OSBPL10: variants seen among roughly 807,000 people sequenced by gnomAD.
OSBPL10 encodes the protein oxysterol-binding protein-related protein 10.
In OSBPL10, 49 loss-of-function variants were observed where a neutral mutation model predicts 81.7. That is an observed-to-expected ratio of 0.60 (90% CI 0.48 to 0.76). The LOEUF (loss-of-function observed/expected upper bound fraction) is 0.76. Among genes scored for constraint, OSBPL10 ranks in the 30% least tolerant of loss-of-function variants. OSBPL10 has a pLI of 0.00. For missense variants in OSBPL10, 923 were observed against 987.8 expected, an observed-to-expected ratio of 0.93 and a Z score of 0.88; for synonymous variants, 419 against 383.6, an observed-to-expected ratio of 1.09 and a Z score of -1.08.
chr3:31,832,986 G>A (rs976614262), intron 3 of OSBPL10, among the ~76,000 whole-genome samples: 13 of 152,192 alleles, frequency 8.5e-5, no homozygotes, highest in African/African-American at 2.9e-4. Context: ...TTGAAATACC[G>A]CAGATTGTAA....
At chr3:31,834,594 A>C (rs139490040) in intron 3 of OSBPL10, among the ~76,000 whole-genome samples, 1 of 152,242 alleles carries the variant, frequency 6.6e-6, no homozygotes, top group South Asian at 2.1e-4. Context: ...CCAAGGTTGC[A>C]AAGAGAAGAC....
At chr3:31,898,563 A>C (rs1412446941) in intron 1 of OSBPL10, among the ~76,000 whole-genome samples, 2 of 148,540 alleles carry the variant, frequency 1.3e-5, no homozygotes, top group Non-Finnish European at 3.0e-5. Context: ...TGGGCAACAT[A>C]GCAAGACCCT....
At chr3:32,026,055 G>GATAGATAGATAT (rs1559551443) in intron 2 of OSBPL10, among the ~76,000 whole-genome samples, 169 of 103,128 alleles carry the variant, frequency 1.6e-3, no homozygotes, top group African/African-American at 6.6e-3. Context: ...TAGATAGATA[G>GATAGATAGATAT]ATGATAGATA....
In OSBPL10 at chr3:31,790,116, T is replaced by C. The variant is rs1289254183; in HGVS notation, c.729+39924A>G. ...ACTGTAAGCAAAACAATTACCAAAA[T>C]AAAAATTAGACATGACCGATAAACA... On this transcript the variant is annotated intron_variant, in intron 4 of 11. Coordinates refer to ENST00000396556, the MANE Select transcript of OSBPL10 (RefSeq NM_017784.5). 3.3e-5 allele frequency among the ~76,000 whole-genome samples: 5 copies of C among 152,192 alleles called. 1 individual carries two copies. Among genetic ancestry groups the C allele is most frequent in the Admixed American group, 2.6e-4 (4 of 15,286 alleles).
At chr3:31,681,298 C>G (rs544341494) in intron 8 of OSBPL10, among the ~76,000 whole-genome samples, 2 of 152,206 alleles carry the variant, frequency 1.3e-5, no homozygotes, top group African/African-American at 4.8e-5. Flanking sequence ...TGTGGGCACT[C>G]TGGAGTTGCC....
intron 4 of OSBPL10, chr3:31,795,319 A>T: frequency 6.5e-6 from 1 of 153,854 alleles, no homozygotes; most frequent in South Asian, 2.0e-4. Context: ...TAATTTTTGC[A>T]TTTTTAGTAG....
chr3:31,854,756 A>G (rs1700865802), intron 3 of OSBPL10, among the ~76,000 whole-genome samples: 1 of 152,200 alleles, frequency 6.6e-6, no homozygotes, highest in African/African-American at 2.4e-5. Context: ...TAAAATAAAC[A>G]CATAAACACA....
chr3:31,872,173 A>C lies in OSBPL10; in HGVS notation c.537+4260T>G, dbSNP rs564313926. On this transcript the variant is annotated intron_variant, in intron 3 of 11. Coordinates refer to ENST00000396556, the MANE Select transcript of OSBPL10 (RefSeq NM_017784.5). Reference sequence around the variant, plus strand: ...AGGATGAACCTATGTGACATGGAGAAAAGGGAGATTTTGTCTGTTTGTCAG... The same window carrying C: ...AGGATGAACCTATGTGACATGGAGACAAGGGAGATTTTGTCTGTTTGTCAG... Among the ~76,000 whole-genome samples, 3 of 152,322 alleles carry C rather than the reference A, an allele frequency of 2.0e-5. No individual in the cohort carries two copies. The East Asian group carries it at 5.8e-4, about 29-fold the overall frequency.
chr3:31,670,157 ACT>A (rs1373611357), intron 9 of OSBPL10, among the ~76,000 whole-genome samples: 2 of 152,248 alleles, frequency 1.3e-5, no homozygotes, highest in East Asian at 1.9e-4. Flanking sequence ...CCCCTGTGAC[ACT>A]CTGATACACT....
chr3:31,758,727 G>T (rs925717978), intron 4 of OSBPL10, among the ~76,000 whole-genome samples: 3 of 152,166 alleles, frequency 2.0e-5, no homozygotes, highest in Admixed American at 1.3e-4. Flanking sequence ...GCATTTTTTT[G>T]AACATGGATC....
intron 6 of OSBPL10, among the ~76,000 whole-genome samples, chr3:31,728,224 C>T (rs1696869397): frequency 6.6e-6 from 1 of 152,186 alleles, no homozygotes; most frequent in South Asian, 2.1e-4. Context: ...TATGTGGTCT[C>T]TTGATAGCAT....
chr3:31,710,475 C>T (rs956039618), intron 6 of OSBPL10: 2 of 152,296 alleles, frequency 1.3e-5, no homozygotes, highest in Non-Finnish European at 2.9e-5. Flanking sequence ...TAGGCCTTCC[C>T]CACTGAGGGC....
At chr3:31,759,767 C>T (rs1697979171) in intron 4 of OSBPL10, among the ~76,000 whole-genome samples, 1 of 150,092 alleles carries the variant, frequency 6.7e-6, no homozygotes, top group Non-Finnish European at 1.5e-5. Flanking sequence ...TTTTTATTTA[C>T]TTTTTTTTTT....
Position 31,992,016 on chromosome 3 carries a change from C to T in OSBPL10, n.298+54475G>A, listed in dbSNP as rs993415438. Among the ~76,000 whole-genome samples, 7 of 151,984 alleles carry T rather than the reference C, an allele frequency of 4.6e-5. No homozygotes were observed. In the East Asian group the frequency reaches 5.8e-4, roughly 13 times the overall value. ...CAAAAATTAGCCAGGCGTAGTGGCA[C>T]GCACCAGTAGTCCCAGCTACTGGGG... On this transcript the variant is annotated intron_variant and non_coding_transcript_variant, in intron 2 of 3. Coordinates refer to the OSBPL10 transcript ENST00000479173.
At chr3:31,666,443 C>T (rs988827522) in intron 10 of OSBPL10, among the ~76,000 whole-genome samples, 6 of 152,230 alleles carry the variant, frequency 3.9e-5, no homozygotes, top group African/African-American at 1.4e-4. Context: ...AACTGCTGGT[C>T]CACCTAGCCA....
chr3:31,703,273 G>A (rs2125594958), intron 6 of OSBPL10, among the ~76,000 whole-genome samples: 1 of 152,280 alleles, frequency 6.6e-6, no homozygotes, highest in South Asian at 2.1e-4. Flanking sequence ...CTGGTTACAA[G>A]GTTAACTTGC....
At chr3:32,043,760 C>T (rs1377949381) in intron 2 of OSBPL10, among the ~76,000 whole-genome samples, 1 of 152,190 alleles carries the variant, frequency 6.6e-6, no homozygotes, top group African/African-American at 2.4e-5. Flanking sequence ...ATGTTCTTTG[C>T]AGCAGCATGG....
chr3:32,071,662 C>A (rs1343280741), intron 1 of OSBPL10, among the ~76,000 whole-genome samples: 1 of 152,258 alleles, frequency 6.6e-6, no homozygotes, highest in Non-Finnish European at 1.5e-5. Context: ...GCTCAACTCA[C>A]TCTCTACAGT....
intron 1 of OSBPL10, among the ~76,000 whole-genome samples, chr3:31,925,844 C>T (rs1293884757): frequency 6.6e-6 from 1 of 152,048 alleles, no homozygotes; most frequent in Non-Finnish European, 1.5e-5. Context: ...AATAATTATG[C>T]CGGGACAAGA....
Sources: allele counts gnomAD v4.1 joint callset (sites outside exome capture counted in the v4.1 genomes callset), GRCh38; gene constraint gnomAD v4.1.1; transcripts MANE v1.5; gene names NCBI Gene and HGNC (gene_info 2026-07-23, HGNC 2026-07-21).